Variants in LRRC4C observed in about 807,000 individuals in gnomAD.
LRRC4C encodes the protein leucine rich repeat containing 4C, also known as leucine-rich repeat-containing protein 4C.
Under a neutral mutation model 33.6 loss-of-function variants are expected in LRRC4C, and 5 were observed. That is an observed-to-expected ratio of 0.15 (90% CI 0.08 to 0.31). The LOEUF (loss-of-function observed/expected upper bound fraction) is 0.31. Among genes scored for constraint, LRRC4C ranks in the 10% least tolerant of loss-of-function variants. LRRC4C has a pLI of 1.00. For missense variants in LRRC4C, 560 were observed against 796.7 expected (o/e 0.70, Z 3.58); for synonymous variants, 329 against 302.0 (o/e 1.09, Z -0.93).
chr11:40,953,320 A>T (rs955118583), intron 1 of LRRC4C, among the ~76,000 whole-genome samples: 2 of 151,878 alleles, frequency 1.3e-5, no homozygotes, highest in African/African-American at 2.4e-5. Context: ...AAGGTTTTTC[A>T]TTTCCTGACT....
At chr11:40,568,853 A>T (rs1957865916) in intron 3 of LRRC4C, among the ~76,000 whole-genome samples, 1 of 152,210 alleles carries the variant, frequency 6.6e-6, no homozygotes, top group African/African-American at 2.4e-5. Flanking sequence ...TAGAGAGAAT[A>T]TACATGGATT....
At position 40,331,924 on chromosome 11, in the gene LRRC4C, C is replaced by T. The variant is rs536124075; in HGVS notation, c.-269-12203G>A. ...TCATAATATTAATAAATCCTGCGTA[C>T]ATGTTCATTTATATATATTCTATTG... On this transcript the variant is annotated intron_variant, in intron 3 of 6. Transcript: ENST00000528697. Among the ~76,000 whole-genome samples, 4 of 152,224 alleles carry T rather than the reference C, an allele frequency of 2.6e-5. No individual in the cohort carries two copies. In the South Asian group the frequency reaches 8.3e-4, roughly 32 times the overall value.
At chr11:40,760,036 G>A (rs917088206) in intron 2 of LRRC4C, among the ~76,000 whole-genome samples, 1 of 151,468 alleles carries the variant, frequency 6.6e-6, no homozygotes, top group Admixed American at 6.6e-5. Flanking sequence ...AAGTGACTCT[G>A]CCCCCCAACC....
intron 5 of LRRC4C, among the ~76,000 whole-genome samples, chr11:40,239,231 A>T (rs1215461567): frequency 6.6e-6 from 1 of 152,004 alleles, no homozygotes; most frequent in Non-Finnish European, 1.5e-5. Context: ...TTTTCCCCCA[A>T]ATCTAGTGTT....
At chr11:40,589,027 AT>A (rs1364233120) in intron 3 of LRRC4C, among the ~76,000 whole-genome samples, 3 of 152,004 alleles carry the variant, frequency 2.0e-5, no homozygotes, top group Non-Finnish European at 4.4e-5. Context: ...ATTGCTGGGT[AT>A]CCTTGTTGAC....
At chr11:40,196,760 C>T (rs112183887) in intron 5 of LRRC4C, among the ~76,000 whole-genome samples, 4 of 152,192 alleles carry the variant, frequency 2.6e-5, no homozygotes, top group African/African-American at 9.6e-5. Context: ...TAGATATTAG[C>T]TATTATTATC....
chr11:40,502,603 C>A (rs1258704181), intron 3 of LRRC4C, among the ~76,000 whole-genome samples: 1 of 152,038 alleles, frequency 6.6e-6, no homozygotes, highest in African/African-American at 2.4e-5. Context: ...GGGGAAATGA[C>A]CCCTACGATT....
chr11:41,271,336 G>C (rs1295461674), intron 1 of LRRC4C, among the ~76,000 whole-genome samples: 1 of 152,078 alleles, frequency 6.6e-6, no homozygotes, highest in Admixed American at 6.6e-5. Flanking sequence ...TGTCCTGTGG[G>C]TTAGAGTCTA....
chr11:41,078,169 G>C (rs1207523583), intron 1 of LRRC4C, among the ~76,000 whole-genome samples: 2 of 152,170 alleles, frequency 1.3e-5, no homozygotes, highest in Non-Finnish European at 2.9e-5. Flanking sequence ...CAAGTCTCTA[G>C]GAAGTTCCAA....
At chr11:40,535,231 T>C (rs528085614) in intron 3 of LRRC4C, among the ~76,000 whole-genome samples, 6 of 152,074 alleles carry the variant, frequency 3.9e-5, no homozygotes, top group Non-Finnish European at 5.9e-5. Flanking sequence ...ACTTCGAAAA[T>C]AGGTTCTGTT....
At chr11:41,439,178 C>A (rs981802619) in intron 1 of LRRC4C, among the ~76,000 whole-genome samples, 1 of 152,132 alleles carries the variant, frequency 6.6e-6, no homozygotes, top group Non-Finnish European at 1.5e-5. Context: ...TGGTCTCCAA[C>A]TGCATCCATG....
At chr11:40,794,842 G>C (rs893070529) in intron 2 of LRRC4C, among the ~76,000 whole-genome samples, 9 of 152,152 alleles carry the variant, frequency 5.9e-5, no homozygotes, top group African/African-American at 2.2e-4. Context: ...ACTTCTGTAA[G>C]TCCCAATATC....
At chr11:41,242,270 A>C (rs777619009) in intron 1 of LRRC4C, among the ~76,000 whole-genome samples, 10 of 152,116 alleles carry the variant, frequency 6.6e-5, no homozygotes, top group Non-Finnish European at 1.5e-4. Context: ...TCCAGGGGAC[A>C]ACCACGTTTT....
At chr11:40,922,203 C>T (rs1206622324) in intron 2 of LRRC4C, among the ~76,000 whole-genome samples, 1 of 152,088 alleles carries the variant, frequency 6.6e-6, no homozygotes, top group Non-Finnish European at 1.5e-5. Context: ...CCTCCCCATA[C>T]CTTACCACTC....
chr11:41,203,447 AT>A (rs902596248), intron 1 of LRRC4C, among the ~76,000 whole-genome samples: 7 of 152,248 alleles, frequency 4.6e-5, no homozygotes, highest in South Asian at 2.1e-4. Flanking sequence ...AGAGGAAGCA[AT>A]TTTTTTCTAA....
chr11:40,305,507 A>C (rs1225916209), intron 4 of LRRC4C, among the ~76,000 whole-genome samples: 1 of 152,206 alleles, frequency 6.6e-6, no homozygotes, highest in Non-Finnish European at 1.5e-5. Flanking sequence ...AGATTTGAGA[A>C]GGCAACAAGC....
At chr11:40,458,119 A>C (rs907840911) in intron 3 of LRRC4C, among the ~76,000 whole-genome samples, 1 of 152,142 alleles carries the variant, frequency 6.6e-6, no homozygotes, top group Non-Finnish European at 1.5e-5. Context: ...TTATCTTTTC[A>C]CTGGAATGGA....
At chr11:41,431,667 G>A (rs1955240991) in intron 1 of LRRC4C, among the ~76,000 whole-genome samples, 1 of 151,502 alleles carries the variant, frequency 6.6e-6, no homozygotes, top group African/African-American at 2.4e-5. Flanking sequence ...GTACACACAC[G>A]CACACACATG....
intron 1 of LRRC4C, among the ~76,000 whole-genome samples, chr11:41,017,620 G>C (rs930026966): frequency 1.3e-5 from 2 of 151,862 alleles, no homozygotes; most frequent in African/African-American, 4.8e-5. Flanking sequence ...CTCTGTTTTA[G>C]AGAGATAGGA....
Sources: allele counts gnomAD v4.1 joint callset (sites outside exome capture counted in the v4.1 genomes callset), GRCh38; gene constraint gnomAD v4.1.1; transcripts MANE v1.5; gene names NCBI Gene and HGNC (gene_info 2026-07-23, HGNC 2026-07-21).